WDPCP: variants seen among roughly 807,000 people sequenced by gnomAD.
The protein encoded by WDPCP is WD repeat containing planar cell polarity effector.
A neutral mutation model predicts 93.1 loss-of-function variants in WDPCP; 71 were observed. The ratio of observed to expected loss-of-function variants is 0.76; its 90% CI spans 0.63 to 0.93. The LOEUF (loss-of-function observed/expected upper bound fraction) is 0.93, where lower values mean the gene tolerates loss of function less well. Ranked by LOEUF, WDPCP falls within the 40% of genes least tolerant of loss-of-function variation. WDPCP has a pLI of 0.00. For missense variants in WDPCP, 844 were observed against 887.4 expected, an observed-to-expected ratio of 0.95 and a Z score of 0.62; for synonymous variants, 315 against 315.0, an observed-to-expected ratio of 1.00 and a Z score of 0.00.
chr2:63,492,915 A>G lies in WDPCP; in HGVS notation c.101T>C (p.Met34Thr). The change falls in exon 2 of 18, where the codon ATG becomes ACG. Residue 34 changes from methionine (M) to threonine (T), a missense_variant. Met to Thr is a moderately conservative substitution (Grantham distance 81). Transcript: ENST00000272321. ...GTGCAGTTCAGTCAAGCAGAAAGAC[A>G]TCTGATGGCAGAAGGAATCTCTATC... is the stretch of plus-strand genomic sequence containing the variant. The part of the protein sequence containing the change: ...RQDRDSFCHQ[M>T]SFCLTELHLW... The G allele has an allele frequency of 1.2e-6, 2 of 1,613,620 alleles. No homozygotes were observed. Among genetic ancestry groups the G allele is most frequent in the Non-Finnish European group, 1.7e-6 (2 of 1,179,878 alleles).
chr2:63,323,038 G>A (rs758365020), intron 12 of WDPCP, among the ~76,000 whole-genome samples: 3 of 152,176 alleles, frequency 2.0e-5, no homozygotes, highest in Non-Finnish European at 4.4e-5. Context: ...ACCAGCTTCC[G>A]CTTTTCCTGT....
chr2:63,202,010 A>C (rs1198556415), intron 14 of WDPCP, among the ~76,000 whole-genome samples: 2 of 151,214 alleles, frequency 1.3e-5, no homozygotes, highest in African/African-American at 4.9e-5. Context: ...TTCTAGCATT[A>C]ATTTCTGCTT....
At chr2:63,606,496 T>C (rs1709532680) in intron 3 of WDPCP, among the ~76,000 whole-genome samples, 1 of 152,222 alleles carries the variant, frequency 6.6e-6, no homozygotes, top group Non-Finnish European at 1.5e-5. Context: ...GTTTTTATGA[T>C]TGAAATTAAT....
chr2:63,234,663 T>TA (rs1160310419), intron 14 of WDPCP, among the ~76,000 whole-genome samples: 2 of 152,170 alleles, frequency 1.3e-5, no homozygotes, highest in African/African-American at 4.8e-5. Context: ...TCTCTGTGAT[T>TA]AGTTTATTAT....
chr2:63,378,907 C>T (rs908621), intron 11 of WDPCP, among the ~76,000 whole-genome samples: 121,813 of 152,120 alleles, frequency 0.8, 49,630 homozygotes, highest in East Asian at 0.96. Context: ...TCATTGGGAA[C>T]TGAAATCGAT....
intron 2 of WDPCP, among the ~76,000 whole-genome samples, chr2:63,747,432 T>A (rs1007941790): frequency 2.0e-5 from 3 of 152,134 alleles, no homozygotes; most frequent in African/African-American, 4.8e-5. Flanking sequence ...TACTTTTAGG[T>A]CTTTGATTCT....
At chr2:63,338,605 T>C (rs1348742793) in intron 12 of WDPCP, among the ~76,000 whole-genome samples, 3 of 118,106 alleles carry the variant, frequency 2.5e-5, no homozygotes, top group East Asian at 5.3e-4. Context: ...TATATATATA[T>C]ATATATATAT....
intron 17 of WDPCP, among the ~76,000 whole-genome samples, chr2:63,141,032 G>C (rs1253377323): frequency 1.3e-5 from 2 of 151,774 alleles, no homozygotes; most frequent in African/African-American, 2.4e-5. Context: ...AGGGATGCTG[G>C]ATTTTGTCGA....
chr2:63,296,069 A>G (rs572317433), intron 13 of WDPCP, among the ~76,000 whole-genome samples: 1 of 152,192 alleles, frequency 6.6e-6, no homozygotes, highest in East Asian at 1.9e-4. Flanking sequence ...CAAATCTAAC[A>G]ACATATTAAA....
intron 2 of WDPCP, chr2:63,752,012 C>A (rs79969201): frequency 0.014 from 8,584 of 629,176 alleles, 92 homozygotes; most frequent in Non-Finnish European, 0.015. Context: ...CTGAAACAAC[C>A]TCCACAACCA....
intron 1 of WDPCP, among the ~76,000 whole-genome samples, chr2:63,495,295 T>A (rs1558712333): frequency 6.6e-6 from 1 of 152,208 alleles, no homozygotes; most frequent in Admixed American, 6.5e-5. Flanking sequence ...GTATTATCTT[T>A]CAGTATTATC....
At chr2:63,779,543 G>C (rs1367491013) in intron 2 of WDPCP, among the ~76,000 whole-genome samples, 1 of 152,148 alleles carries the variant, frequency 6.6e-6, no homozygotes, top group Non-Finnish European at 1.5e-5. Flanking sequence ...GCAACACAGT[G>C]CTTCTATGGT....
At chr2:63,720,521 G>A (rs951720933) in intron 2 of WDPCP, among the ~76,000 whole-genome samples, 1 of 152,002 alleles carries the variant, frequency 6.6e-6, no homozygotes, top group African/African-American at 2.4e-5. Context: ...TTTGTAGCAT[G>A]ATTAAGAGCT....
At chr2:63,170,393 C>T (rs866955860) in intron 15 of WDPCP, among the ~76,000 whole-genome samples, 1 of 152,020 alleles carries the variant, frequency 6.6e-6, no homozygotes, top group African/African-American at 2.4e-5. Context: ...CTGCCTCAGC[C>T]TCCCAAGGAG....
At chr2:63,581,790 T>C (rs1708511231) in intron 1 of WDPCP, among the ~76,000 whole-genome samples, 1 of 152,072 alleles carries the variant, frequency 6.6e-6, no homozygotes, top group South Asian at 2.1e-4. Context: ...GTGGATCGTT[T>C]GAGTCCTAGA....
intron 2 of WDPCP, among the ~76,000 whole-genome samples, chr2:63,776,159 T>C (rs1373752292): frequency 1.5e-5 from 2 of 137,056 alleles, no homozygotes; most frequent in African/African-American, 5.4e-5. Flanking sequence ...AAACTGAATC[T>C]CAAAAAAAAA....
At chr2:63,527,080 T>C (rs1703393296) in intron 1 of WDPCP, among the ~76,000 whole-genome samples, 1 of 152,184 alleles carries the variant, frequency 6.6e-6, no homozygotes, top group Non-Finnish European at 1.5e-5. Context: ...AATTATGTTT[T>C]GAGGTGCTGG....
intron 3 of WDPCP, among the ~76,000 whole-genome samples, chr2:63,601,319 A>G (rs1005400236): frequency 2.6e-5 from 4 of 152,216 alleles, no homozygotes; most frequent in Non-Finnish European, 5.9e-5. Flanking sequence ...CTTGGAATTC[A>G]GAGGCCTTAG....
chr2:63,673,410 G>T (rs2106635246), intron 2 of WDPCP, among the ~76,000 whole-genome samples: 1 of 152,218 alleles, frequency 6.6e-6, no homozygotes, highest in South Asian at 2.1e-4. Context: ...AAGAAGATTG[G>T]GTAGGAAGAG....
Sources: allele counts gnomAD v4.1 joint callset (sites outside exome capture counted in the v4.1 genomes callset), GRCh38; gene constraint gnomAD v4.1.1; transcripts MANE v1.5; gene names NCBI Gene and HGNC (gene_info 2026-07-23, HGNC 2026-07-21).